The following PADI2 variants were observed in gnomAD, a reference collection of about 807,000 sequenced individuals.
PADI2 encodes peptidyl arginine deiminase 2.
In PADI2, 70 loss-of-function variants were observed where a neutral mutation model predicts 81.1. That is an observed-to-expected ratio of 0.86 (90% CI 0.71 to 1.05). PADI2 has a LOEUF of 1.05. PADI2 is among the 50% of genes least tolerant of loss of function. PADI2 has a pLI of 0.00. For missense variants in PADI2, 853 were observed against 889.9 expected, an observed-to-expected ratio of 0.96 and a Z score of 0.53; for synonymous variants, 338 against 358.0, an observed-to-expected ratio of 0.94 and a Z score of 0.63.
chr1:17,083,546 C>T lies in PADI2; in HGVS notation c.1050+180G>A, dbSNP rs1480853113. ...GTTGCTTTGCAATCTTTTGCTACTA[C>T]AAGAAGCAGCACTGTAGTGCACTTG... On this transcript the variant is annotated intron_variant, in intron 9 of 15. Coordinates refer to ENST00000375486, the MANE Select transcript of PADI2 (RefSeq NM_007365.3). The T allele has an allele frequency of 6.9e-6, 4 of 577,652 alleles. No individual in the cohort carries two copies. The Admixed American group carries it at 9.1e-5, about 13-fold the overall frequency. 35.8% of individuals were successfully genotyped at this position (577,652 alleles called of 1,614,324 possible).
At chr1:17,107,859 C>A (rs1043470540) in intron 1 of PADI2, among the ~76,000 whole-genome samples, 3 of 152,144 alleles carry the variant, frequency 2.0e-5, no homozygotes, top group African/African-American at 7.2e-5. Context: ...TCTTGTCCTG[C>A]CCCCTTCCAA....
At chr1:17,074,729 C>T (rs545897270) in intron 13 of PADI2, 127 bp downstream of exon 13, 31 of 603,016 alleles carry the variant, frequency 5.1e-5, no homozygotes, top group Admixed American at 5.1e-4. Flanking sequence ...AACCCCCGAT[C>T]GGGCCAGACA....
Position 17,092,552 on chromosome 1 carries a change from G to A in PADI2, c.530-19C>T, listed in dbSNP as rs1488996536. ...TTGAGATCTGAGGGACAGAAGGTGA[G>A]AATGAAGAGATCTATCTGTTGCTGG... On this transcript the variant is annotated intron_variant, in intron 5 of 15. Coordinates refer to ENST00000375486, the MANE Select transcript of PADI2 (RefSeq NM_007365.3). The A allele has an allele frequency of 1.9e-6, 3 of 1,566,260 alleles. No individual in the cohort carries two copies. Among genetic ancestry groups the A allele is most frequent in the South Asian group, 2.4e-5 (2 of 84,576 alleles).
intron 8 of PADI2, 49 bp downstream of exon 8, chr1:17,084,550 C>T (rs1325334552): frequency 1.7e-6 from 2 of 1,209,550 alleles, no homozygotes; most frequent in South Asian, 1.4e-5. Context: ...CTGACTCGGC[C>T]CTTGGCCACT....
intron 5 of PADI2, among the ~76,000 whole-genome samples, 153 bp downstream of exon 5, chr1:17,093,414 T>C (rs1483399988): frequency 6.6e-6 from 1 of 152,230 alleles, no homozygotes; most frequent in Admixed American, 6.5e-5. Context: ...TCCTATGGTT[T>C]TGCCTTTGGC....
intron 13 of PADI2, among the ~76,000 whole-genome samples, chr1:17,074,392 C>CAAA (rs71006417): frequency 0.19 from 26,476 of 141,022 alleles, 2,872 homozygotes; most frequent in East Asian, 0.47. Flanking sequence ...AACTCTGTCT[C>CAAA]AAAAAAAAAA....
chr1:17,076,872 C>T (rs112857852), intron 11 of PADI2, among the ~76,000 whole-genome samples: 2,910 of 152,226 alleles, frequency 0.019, 98 homozygotes, highest in African/African-American at 0.067. Context: ...CCACCGCTCC[C>T]GGCCAGCCCT....
In PADI2 at chr1:17,075,813, G is replaced by A. The variant is rs756108449; in HGVS notation, c.1321C>T (p.Arg441Trp). 1.6e-5 allele frequency: 26 copies of A among 1,613,382 alleles called. No individual in the cohort carries two copies. The highest frequency in any genetic ancestry group is 4.4e-5 in the South Asian group (4 of 91,030). ...IGSSFPLSGGRRMTKVVRDFL... is the reference protein window; with the variant it reads ...IGSSFPLSGGWRMTKVVRDFL... ...TCACGCACCACCTTGGTCATCCTCC[G>A]ACCACCAGACCTGGAGAAGGGAGGA... is the stretch of plus-strand genomic sequence containing the variant. Residue 441 changes from arginine (R) to tryptophan (W), a missense_variant, in exon 12 of 16, where the codon CGG becomes TGG. By Grantham distance (101) the Arg-to-Trp change is moderately radical. Coordinates refer to ENST00000375486, the MANE Select transcript of PADI2 (RefSeq NM_007365.3).
chr1:17,092,841 C>T (rs1930751239), intron 5 of PADI2, among the ~76,000 whole-genome samples: 1 of 150,182 alleles, frequency 6.7e-6, no homozygotes, highest in African/African-American at 2.5e-5. Context: ...CCTGGCTACT[C>T]AGGAGGCTGA....
rs183955256 is a variant in PADI2 at position 17,112,900 on chromosome 1, C to T, written c.92+6380G>A. 2.0e-5 allele frequency among the ~76,000 whole-genome samples: 3 copies of T among 152,344 alleles called. No homozygotes were observed. The East Asian group carries it at 5.8e-4, about 29-fold the overall frequency. ...GGTTAGAGCTCATTGACCCTCCAGCCTTATACTCCAGGCCTCTGAAGCTGT... is the reference window on the plus strand; with the variant it reads ...GGTTAGAGCTCATTGACCCTCCAGCTTTATACTCCAGGCCTCTGAAGCTGT... On this transcript the variant is annotated intron_variant, in intron 1 of 15. Coordinates refer to ENST00000375486, the MANE Select transcript of PADI2 (RefSeq NM_007365.3).
At chr1:17,086,825 G>A (rs1930481538) in intron 6 of PADI2, 126 bp from the exon 7 acceptor site, 7 of 742,054 alleles carry the variant, frequency 9.4e-6, no homozygotes, top group Non-Finnish European at 1.6e-5. Flanking sequence ...AGCACAAGCA[G>A]AAAATGCCAC....
intron 1 of PADI2, among the ~76,000 whole-genome samples, chr1:17,109,589 C>T (rs2101610519): frequency 6.6e-6 from 1 of 151,698 alleles, no homozygotes; most frequent in Admixed American, 6.6e-5. Context: ...ATCCTAGGTT[C>T]AAGTGATTCT....
At chr1:17,102,950 T>G in intron 3 of PADI2, 37 bp downstream of exon 3, 1 of 1,505,120 alleles carries the variant, frequency 6.6e-7, no homozygotes, top group Non-Finnish European at 9.2e-7. Context: ...AGGCCCTGGG[T>G]GATGAAGGCA....
intron 7 of PADI2, among the ~76,000 whole-genome samples, chr1:17,085,592 G>A (rs543749543): frequency 6.6e-6 from 1 of 152,174 alleles, no homozygotes; most frequent in Non-Finnish European, 1.5e-5. Context: ...ACTTTTGGAC[G>A]TTCTGTCTTA....
At chr1:17,101,878 GATA>G (rs983129499) in intron 3 of PADI2, among the ~76,000 whole-genome samples, 2 of 152,190 alleles carry the variant, frequency 1.3e-5, no homozygotes, top group Non-Finnish European at 2.9e-5. Context: ...AAATGAGGAT[GATA>G]ATAATAATAT....
At chr1:17,072,493 C>T (rs1426663918) in intron 13 of PADI2, among the ~76,000 whole-genome samples, 1 of 152,156 alleles carries the variant, frequency 6.6e-6, no homozygotes, top group African/African-American at 2.4e-5. Flanking sequence ...TGTGTTTTCC[C>T]CAAACATTGT....
At chr1:17,090,123 G>A (rs977587430) in intron 6 of PADI2, among the ~76,000 whole-genome samples, 2 of 152,216 alleles carry the variant, frequency 1.3e-5, no homozygotes, top group Non-Finnish European at 2.9e-5. Context: ...TAGGAGCACT[G>A]AAGCCTTCTG....
At chr1:17,075,330 T>C (rs2078294229) in intron 12 of PADI2, 14 of 311,266 alleles carry the variant, frequency 4.5e-5, no homozygotes, top group Non-Finnish European at 7.7e-5. Flanking sequence ...ACCAACACAA[T>C]AGCCACTAGC....
intron 13 of PADI2, among the ~76,000 whole-genome samples, chr1:17,073,416 C>CAAAAAAAAAAAAAAAAA (rs55941211): frequency 8.6e-5 from 11 of 127,434 alleles, no homozygotes; most frequent in Admixed American, 1.6e-4. Context: ...GACTGTGTCT[C>CAAAAAAAAAAAAAAAAA]AAAAAAAAAA....
Sources: allele counts gnomAD v4.1 joint callset (sites outside exome capture counted in the v4.1 genomes callset), GRCh38; gene constraint gnomAD v4.1.1; transcripts MANE v1.5; gene names NCBI Gene and HGNC (gene_info 2026-07-23, HGNC 2026-07-21).